Variants in RNF144A observed in about 807,000 individuals in gnomAD.
RNF144A encodes the protein ring finger protein 144A.
Under a neutral mutation model 38.7 loss-of-function variants are expected in RNF144A, and 11 were observed. The observed-to-expected ratio is 0.28, with a 90% CI of 0.18 to 0.47. RNF144A has a LOEUF of 0.47. Among genes scored for constraint, RNF144A ranks in the 20% least tolerant of loss-of-function variants. The pLI is 0.99. For missense variants in RNF144A, 316 were observed against 377.2 expected (o/e 0.84, Z 1.34); for synonymous variants, 149 against 143.9 (o/e 1.04, Z -0.25).
At chr2:6,949,515 C>T (rs1294863177) in intron 2 of RNF144A, among the ~76,000 whole-genome samples, 3 of 151,978 alleles carry the variant, frequency 2.0e-5, no homozygotes, top group African/African-American at 7.2e-5. Flanking sequence ...TAAAGGACAT[C>T]CTCTGTATTA....
intron 5 of RNF144A, 85 bp downstream of exon 5, chr2:7,014,857 G>A: frequency 1.1e-6 from 1 of 934,448 alleles, no homozygotes; most frequent in Non-Finnish European, 1.7e-6. Context: ...TGGTAGATAT[G>A]GTTATACAGC....
At chr2:6,937,693 C>T (rs1665677897) in intron 1 of RNF144A, among the ~76,000 whole-genome samples, 1 of 152,124 alleles carries the variant, frequency 6.6e-6, no homozygotes. Context: ...CTGCTCAGGA[C>T]TGAGGAGGAA....
intron 1 of RNF144A, among the ~76,000 whole-genome samples, chr2:6,925,466 C>G (rs941590223): frequency 5.9e-5 from 9 of 152,290 alleles, no homozygotes; most frequent in Middle Eastern, 3.4e-3. Flanking sequence ...CCTTCCCCCC[C>G]AGTTGCTCTC....
Position 7,067,520 on chromosome 2 carries a change from CTG to C in RNF144A, c.735-695_735-694del, listed in dbSNP as rs905525771. ...ATTGGCTGCCCTCTGGGCTCAGAAA[CTG>C]AGTTTCCGACTATTAAAAAAATCCC... On this transcript the variant is annotated intron_variant, in intron 6 of 6. Transcript: ENST00000432850. 2.6e-5 allele frequency among the ~76,000 whole-genome samples: 4 copies of C among 152,160 alleles called. 1 individual carries two copies. Among genetic ancestry groups the C allele is most frequent in the African/African-American group, 9.7e-5 (4 of 41,428 alleles).
At chr2:7,024,271 A>G in intron 6 of RNF144A, 98 bp from the exon 7 acceptor site, 1 of 1,065,888 alleles carries the variant, frequency 9.4e-7, no homozygotes, top group Non-Finnish European at 1.3e-6. Flanking sequence ...AAGAAAACTC[A>G]GTCTGTGAAG....
chr2:6,929,598 A>G (rs1244627171), intron 1 of RNF144A, among the ~76,000 whole-genome samples: 3 of 152,214 alleles, frequency 2.0e-5, no homozygotes, highest in South Asian at 2.1e-4. Flanking sequence ...AAAACCACGC[A>G]TGTCTGTAAA....
At chr2:6,946,824 G>A (rs937311225) in intron 2 of RNF144A, among the ~76,000 whole-genome samples, 1 of 152,066 alleles carries the variant, frequency 6.6e-6, no homozygotes, top group Non-Finnish European at 1.5e-5. Flanking sequence ...TAAAGTCTTA[G>A]TATAGTCTCT....
chr2:7,009,520 G>A (rs1355767319), intron 3 of RNF144A, among the ~76,000 whole-genome samples: 8 of 82,590 alleles, frequency 9.7e-5, no homozygotes, highest in African/African-American at 2.3e-4. Flanking sequence ...TACGCATAAA[G>A]TCTGGGGCTT....
At chr2:6,949,270 A>G (rs764904361) in intron 2 of RNF144A, among the ~76,000 whole-genome samples, 1 of 152,188 alleles carries the variant, frequency 6.6e-6, no homozygotes, top group African/African-American at 2.4e-5. Context: ...AGGATTAACT[A>G]CAAACAGGAG....
intron 8 of RNF144A, among the ~76,000 whole-genome samples, chr2:7,038,529 A>G (rs1488425904): frequency 1.3e-5 from 2 of 152,198 alleles, no homozygotes; most frequent in African/African-American, 4.8e-5. Context: ...GGCTGCTGAG[A>G]GGAAACTTGT....
chr2:7,065,908 C>T (rs947118757), intron 6 of RNF144A, among the ~76,000 whole-genome samples: 11 of 152,222 alleles, frequency 7.2e-5, no homozygotes, highest in African/African-American at 2.7e-4. Context: ...ATTTGCAGAA[C>T]TCTAACAAAG....
chr2:6,926,556 G>A (rs1009547450), intron 1 of RNF144A, among the ~76,000 whole-genome samples: 7 of 152,208 alleles, frequency 4.6e-5, no homozygotes, highest in African/African-American at 1.4e-4. Context: ...TGCAGGTGTG[G>A]GGCTATGCAC....
chr2:6,935,996 C>G (rs1027544773), intron 1 of RNF144A, among the ~76,000 whole-genome samples: 11 of 152,230 alleles, frequency 7.2e-5, no homozygotes, highest in Non-Finnish European at 1.6e-4. Flanking sequence ...GAGGTACCTT[C>G]AATATCTGTC....
intron 6 of RNF144A, among the ~76,000 whole-genome samples, chr2:7,023,510 G>T (rs1297723282): frequency 6.6e-6 from 1 of 151,990 alleles, no homozygotes; most frequent in Non-Finnish European, 1.5e-5. Context: ...ATAGCAAATG[G>T]ACCCCCATAA....
intron 3 of RNF144A, among the ~76,000 whole-genome samples, chr2:7,009,298 A>G (rs762335432): frequency 4.6e-5 from 7 of 152,220 alleles, no homozygotes; most frequent in Non-Finnish European, 8.8e-5. Flanking sequence ...GCAAAGCAGG[A>G]TCATCTTGTT....
At chr2:6,995,523 A>G (rs1669672712) in intron 2 of RNF144A, among the ~76,000 whole-genome samples, 1 of 152,168 alleles carries the variant, frequency 6.6e-6, no homozygotes, top group African/African-American at 2.4e-5. Flanking sequence ...AAGTCCCAAA[A>G]TCTCAGAGGT....
At chr2:6,951,146 G>A (rs531125580) in intron 2 of RNF144A, among the ~76,000 whole-genome samples, 1 of 152,268 alleles carries the variant, frequency 6.6e-6, no homozygotes, top group South Asian at 2.1e-4. Context: ...ACTTTTGTGT[G>A]TGATGGAGGA....
intron 8 of RNF144A, among the ~76,000 whole-genome samples, chr2:7,030,812 C>A (rs1223504182): frequency 6.6e-6 from 1 of 152,026 alleles, no homozygotes; most frequent in African/African-American, 2.4e-5. Flanking sequence ...AGTTGTACAA[C>A]TCACTATCAT....
intron 2 of RNF144A, among the ~76,000 whole-genome samples, chr2:6,995,459 A>G (rs1413696160): frequency 6.6e-6 from 1 of 152,200 alleles, no homozygotes; most frequent in Non-Finnish European, 1.5e-5. Flanking sequence ...CACGATCACG[A>G]CGTGAGGTCC....
Sources: gnomAD v4.1 joint callset for allele counts (sites outside exome capture counted in the v4.1 genomes callset) on GRCh38, gnomAD v4.1.1 for gene constraint, MANE v1.5 for transcripts, NCBI Gene and HGNC (gene_info 2026-07-23, HGNC 2026-07-21) for gene names.